Variants in TRAPPC5 observed in about 807,000 individuals in gnomAD.
The protein encoded by TRAPPC5 is trafficking protein particle complex 5.
Under a neutral mutation model 9.8 loss-of-function variants are expected in TRAPPC5, and 5 were observed. The observed-to-expected ratio is 0.51, with a 90% confidence interval of 0.27 to 1.07. The LOEUF is 1.07. TRAPPC5 is among the 50% of genes least tolerant of loss of function. TRAPPC5 has a pLI of 0.12. For synonymous variants in TRAPPC5, 146 were observed against 140.7 expected (o/e 1.04, Z -0.26); for missense variants, 243 against 291.5 (o/e 0.83, Z 1.21).
Position 7,682,226 on chromosome 19 carries a change from C to T in TRAPPC5, c.-12-16C>T. On this transcript the variant is annotated splice_polypyrimidine_tract_variant and intron_variant, in intron 1 of 1. Transcript: ENST00000596148. This position sits in a 1 kb window ranked among gnomAD's most constrained non-coding sequence, Gnocchi z 8.6. Reference sequence around the variant, plus strand: ...CCCATTGCCCCTGACACCTGCACTTCCTGGTCTCCCCGCAGGGTGGCGGCG... The same window carrying T: ...CCCATTGCCCCTGACACCTGCACTTTCTGGTCTCCCCGCAGGGTGGCGGCG... 2 of 1,385,084 alleles carry T rather than the reference C, an allele frequency of 1.4e-6. No individual in the cohort carries two copies. Among genetic ancestry groups the T allele is most frequent in the Non-Finnish European group, 1.9e-6 (2 of 1,077,590 alleles). 85.8% of individuals were successfully genotyped at this position (1,385,084 alleles called of 1,614,324 possible). A position where few individuals can be genotyped will look rare whatever the true frequency, so the allele number is the denominator to read the frequency against.
Position 7,686,655 on chromosome 19 carries a change from A to G in TRAPPC5, c.*3835A>G, listed in dbSNP as rs34882599. 10,431 of 152,096 alleles carry G rather than the reference A, an allele frequency of 0.069. 392 individuals are homozygous for G. The highest frequency in any genetic ancestry group is 0.082 in the Non-Finnish European group (5,599 of 68,078). The allele number at this position is 152,096 out of a possible 1,614,324, so 9.4% of individuals were successfully genotyped here. ...CTCCTGAATAGTTGGGACTATAGGC[A>G]TCCGCCACCACACCCAGCTAATTTT... On this transcript the variant is annotated 3_prime_UTR_variant, in exon 2 of 2. Transcript: ENST00000596148.
Position 7,685,393 on chromosome 19 carries a change from G to A in TRAPPC5, c.*2573G>A, listed in dbSNP as rs2032705494. ...AGGAAAGTTCTTCCAGATTTTTTGGGGGAACCATGATCCAATCTTCCCTGC... is the reference window on the plus strand; with the variant it reads ...AGGAAAGTTCTTCCAGATTTTTTGGAGGAACCATGATCCAATCTTCCCTGC... On this transcript the variant is annotated 3_prime_UTR_variant, in exon 2 of 2. Transcript: ENST00000596148. The A allele has an allele frequency of 6.6e-6, 1 of 152,112 alleles. No homozygotes were observed. 9.4% of individuals were successfully genotyped at this position (152,112 alleles called of 1,614,324 possible).
Position 7,682,194 on chromosome 19 carries a change from T to C in TRAPPC5, c.-12-48T>C, listed in dbSNP as rs376175529. The C allele has an allele frequency of 5.2e-6, 7 of 1,352,242 alleles. No individual in the cohort carries two copies. The highest frequency in any genetic ancestry group is 3.0e-5 in the East Asian group (1 of 33,482). 83.8% of individuals were successfully genotyped at this position (1,352,242 alleles called of 1,614,324 possible). ...TCTCCCTCCTTTCCTCCCGGCCTGCTCCCCTTCCCATTGCCCCTGACACCT... is the reference window on the plus strand; with the variant it reads ...TCTCCCTCCTTTCCTCCCGGCCTGCCCCCCTTCCCATTGCCCCTGACACCT... On this transcript the variant is annotated intron_variant, in intron 1 of 1. Transcript: ENST00000596148. The surrounding 1 kb of genome is among the most constrained non-coding windows in gnomAD (Gnocchi z 8.6).
chr19:7,681,620 C>T lies in TRAPPC5; in HGVS notation c.-12-622C>T, dbSNP rs1230845969. Among the ~76,000 whole-genome samples, 1 of 151,960 alleles carries T rather than the reference C, an allele frequency of 6.6e-6. No homozygotes were observed. The highest frequency in any genetic ancestry group is 1.5e-5 in the Non-Finnish European group (1 of 67,980). On this transcript the variant is annotated intron_variant, in intron 1 of 1. Coordinates refer to ENST00000596148, the MANE Select transcript of TRAPPC5 (RefSeq NM_001042462.2). The surrounding 1 kb of genome is among the most constrained non-coding windows in gnomAD (Gnocchi z 8.7). Reference sequence around the variant, plus strand: ...GTTACCCGCCCCTCCTGCCTGGCCCCACGGATCCCCCCTGTTAAAGCCCCC... The same window carrying T: ...GTTACCCGCCCCTCCTGCCTGGCCCTACGGATCCCCCCTGTTAAAGCCCCC...
chr19:7,681,222 A>G lies in TRAPPC5; in HGVS notation c.-13+344A>G. On this transcript the variant is annotated intron_variant, in intron 1 of 1. Coordinates refer to ENST00000596148, the MANE Select transcript of TRAPPC5 (RefSeq NM_001042462.2). This position sits in a 1 kb window ranked among gnomAD's most constrained non-coding sequence, Gnocchi z 8.7. ...GGGGGCGGCCCGGAGCCCCTGGGAC[A>G]CCCCTCCCCGCTGGTTCTCCCACCT... is the stretch of plus-strand genomic sequence containing the variant. Among the ~76,000 whole-genome samples the G allele has an allele frequency of 6.6e-6, 1 of 151,238 alleles. No homozygotes were observed. Among genetic ancestry groups the G allele is most frequent in the Middle Eastern group, 3.4e-3 (1 of 290 alleles).
In TRAPPC5 at chr19:7,681,905, G is replaced by C. The variant is rs1030291368; in HGVS notation, c.-12-337G>C. On this transcript the variant is annotated intron_variant, in intron 1 of 1. Coordinates refer to ENST00000596148, the MANE Select transcript of TRAPPC5 (RefSeq NM_001042462.2). The surrounding 1 kb of genome is among the most constrained non-coding windows in gnomAD (Gnocchi z 8.7). The stretch of plus-strand genomic sequence containing the variant: ...TAGGTGGCGGAGCGGGCAGGAAGGC[G>C]CTTTCGCAATTGAACCGTCTGCATG... Among the ~76,000 whole-genome samples the C allele has an allele frequency of 6.6e-6, 1 of 152,108 alleles. No individual in the cohort carries two copies. Among genetic ancestry groups the C allele is most frequent in the Non-Finnish European group, 1.5e-5 (1 of 68,000 alleles).
rs2032711197 is a variant in TRAPPC5, at chr19:7,685,914, C to G, written c.*3094C>G. ...CTGCACAGACACAGAAACCACAGTCCTGGATGGGGGACGGAGGGAGGGGAA... is the reference window on the plus strand; with the variant it reads ...CTGCACAGACACAGAAACCACAGTCGTGGATGGGGGACGGAGGGAGGGGAA... On this transcript the variant is annotated 3_prime_UTR_variant, in exon 2 of 2. Transcript: ENST00000596148. 1.3e-5 allele frequency: 2 copies of G among 152,358 alleles called. No homozygotes were observed. Among genetic ancestry groups the G allele is most frequent in the Admixed American group, 1.3e-4 (2 of 15,250 alleles). The allele number at this position is 152,358 out of a possible 1,614,324, so 9.4% of individuals were successfully genotyped here.
chr19:7,683,764 C>A lies in TRAPPC5; in HGVS notation c.*944C>A, dbSNP rs912325657. 1.1e-4 allele frequency: 17 copies of A among 152,208 alleles called. No individual in the cohort carries two copies. Among genetic ancestry groups the A allele is most frequent in the African/African-American group, 3.1e-4 (13 of 41,418 alleles). 9.4% of individuals were successfully genotyped at this position (152,208 alleles called of 1,614,324 possible). On this transcript the variant is annotated 3_prime_UTR_variant, in exon 2 of 2. Transcript: ENST00000596148. ...CCGGGTTCATGTCATTCTCCTGCCC[C>A]AGCCTCCCGAGTAGCTGGAACTACA... is the stretch of plus-strand genomic sequence containing the variant.
At position 7,681,366 on chromosome 19, in the gene TRAPPC5, C is replaced by T. The variant is rs1447411737; in HGVS notation, c.-13+488C>T. Among the ~76,000 whole-genome samples the T allele has an allele frequency of 6.6e-6, 1 of 152,164 alleles. No individual in the cohort carries two copies. Among genetic ancestry groups the T allele is most frequent in the Non-Finnish European group, 1.5e-5 (1 of 68,008 alleles). ...GGCGCCCGCTCCCCACCCCATTTCT[C>T]TTCAGGAGCCCCCTACCCCATCTCC... is the stretch of plus-strand genomic sequence containing the variant. On this transcript the variant is annotated intron_variant, in intron 1 of 1. Transcript: ENST00000596148. This position sits in a 1 kb window ranked among gnomAD's most constrained non-coding sequence, Gnocchi z 8.7.
Position 7,681,612 on chromosome 19 carries a change from C to T in TRAPPC5, c.-12-630C>T, listed in dbSNP as rs2032637318. ...GGTTGGGGGTTACCCGCCCCTCCTG[C>T]CTGGCCCCACGGATCCCCCCTGTTA... On this transcript the variant is annotated intron_variant, in intron 1 of 1. Transcript: ENST00000596148. The surrounding 1 kb of genome is among the most constrained non-coding windows in gnomAD (Gnocchi z 8.7). Among the ~76,000 whole-genome samples the T allele has an allele frequency of 6.6e-6, 1 of 151,996 alleles. No homozygotes were observed. The highest frequency in any genetic ancestry group is 1.5e-5 in the Non-Finnish European group (1 of 67,992).
Position 7,682,166 on chromosome 19 carries a change from G to C in TRAPPC5, c.-12-76G>C. The C allele has an allele frequency of 8.0e-7, 1 of 1,248,710 alleles. No homozygotes were observed. Among genetic ancestry groups the C allele is most frequent in the South Asian group, 1.8e-5 (1 of 55,342 alleles). The allele number at this position is 1,248,710 out of a possible 1,614,324, so 77.4% of individuals were successfully genotyped here. A position where few individuals can be genotyped will look rare whatever the true frequency, so the allele number is the denominator to read the frequency against. ...TCGAGGGTGTCCCAGGGCCCCTCGC[G>C]GTTCTCCCTCCTTTCCTCCCGGCCT... On this transcript the variant is annotated intron_variant, in intron 1 of 1. Transcript: ENST00000596148. The surrounding 1 kb of genome is among the most constrained non-coding windows in gnomAD (Gnocchi z 8.6).
At position 7,683,052 on chromosome 19, in the gene TRAPPC5, G is replaced by T; in HGVS notation, c.*232G>T. ...AATAAACCCGGCAAAAGGAGTTGGTGGGAAATGCTGGCAGGTTCTGGAATC... is the reference window on the plus strand; with the variant it reads ...AATAAACCCGGCAAAAGGAGTTGGTTGGAAATGCTGGCAGGTTCTGGAATC... On this transcript the variant is annotated 3_prime_UTR_variant, in exon 2 of 2. Transcript: ENST00000596148. 1.8e-6 allele frequency: 1 copy of T among 558,458 alleles called. No homozygotes were observed. Among genetic ancestry groups the T allele is most frequent in the East Asian group, 3.0e-5 (1 of 33,352 alleles). The allele number at this position is 558,458 out of a possible 1,614,324, so 34.6% of individuals were successfully genotyped here.
chr19:7,682,336 C>A lies in TRAPPC5; in HGVS notation c.83C>A (p.Ala28Asp). Residue 28 changes from alanine to aspartate, a missense_variant, in exon 2 of 2, where the codon GCC (alanine) becomes GAC (aspartate). Physicochemically the swap from Ala to Asp is moderately radical, Grantham distance 126 (BLOSUM62 -2). Coordinates refer to ENST00000596148, the MANE Select transcript of TRAPPC5 (RefSeq NM_001042462.2). This position sits in a 1 kb window ranked among gnomAD's most constrained non-coding sequence, Gnocchi z 8.6. ...CCGCGCACCGAGGTGAGCCTGAGCG[C>A]CTTCGCACTGCTGTTCTCCGAGCTG... ...ARPRTEVSLS[A>D]FALLFSELVQ... 1 of 1,552,752 alleles carries A rather than the reference C, an allele frequency of 6.4e-7. No homozygotes were observed. The highest frequency in any genetic ancestry group is 2.4e-5 in the East Asian group (1 of 41,312).
In TRAPPC5 at chr19:7,682,541, G is replaced by A. The variant is rs747241989; in HGVS notation, c.288G>A (p.Ala96=). 8 of 1,612,892 alleles carry A rather than the reference G, an allele frequency of 5.0e-6. No homozygotes were observed. In the South Asian group the frequency reaches 8.8e-5, roughly 18 times the overall value. Residue 96 remains alanine, a synonymous_variant, in exon 2 of 2, where the codon GCG becomes GCA. Transcript: ENST00000596148. This position sits in a 1 kb window ranked among gnomAD's most constrained non-coding sequence, Gnocchi z 8.6. The part of the protein sequence containing the change: ...LLFVKGAVWK[A]LFGKEADKLE... ...TCGTCAAGGGCGCCGTGTGGAAGGC[G>A]CTCTTCGGCAAGGAGGCGGACAAGC...
At position 7,682,343 on chromosome 19, in the gene TRAPPC5, A is replaced by C. The variant is rs1256138567; in HGVS notation, c.90A>C (p.Ala30=). 1.9e-6 allele frequency: 3 copies of C among 1,557,818 alleles called. No homozygotes were observed. The South Asian group carries it at 3.5e-5, about 18-fold the overall frequency. ...PRTEVSLSAF[A]LLFSELVQHC... ...CCGAGGTGAGCCTGAGCGCCTTCGC[A>C]CTGCTGTTCTCCGAGCTGGTACAGC... The change falls in exon 2 of 2, where the codon GCA becomes GCC. Residue 30 remains alanine (A), a synonymous_variant. Coordinates refer to ENST00000596148, the MANE Select transcript of TRAPPC5 (RefSeq NM_001042462.2). The surrounding 1 kb of genome is among the most constrained non-coding windows in gnomAD (Gnocchi z 8.6).
Position 7,686,941 on chromosome 19 carries a change from T to C in TRAPPC5, c.*4121T>C, listed in dbSNP as rs2032726124. 6.6e-6 allele frequency: 1 copy of C among 151,790 alleles called. No individual in the cohort carries two copies. The highest frequency in any genetic ancestry group is 2.4e-5 in the African/African-American group (1 of 41,242). The allele number at this position is 151,790 out of a possible 1,614,324, so 9.4% of individuals were successfully genotyped here. A position where few individuals can be genotyped will look rare whatever the true frequency, so the allele number is the denominator to read the frequency against. ...ACCAAGTTGCCCATCACTACACCTC[T>C]AGTTTTTGTATTTTTTGTAGAGATG... On this transcript the variant is annotated 3_prime_UTR_variant, in exon 2 of 2. Coordinates refer to ENST00000596148, the MANE Select transcript of TRAPPC5 (RefSeq NM_001042462.2).
rs117867584 is a variant in TRAPPC5, at chr19:7,680,898, C to A, written c.-13+20C>A. 0.028 allele frequency: 4,306 copies of A among 152,396 alleles called. 90 individuals are homozygous for A. The highest frequency in any genetic ancestry group is 0.041 in the Non-Finnish European group (2,799 of 68,070). 9.4% of individuals were successfully genotyped at this position (152,396 alleles called of 1,614,324 possible). A position where few individuals can be genotyped will look rare whatever the true frequency, so the allele number is the denominator to read the frequency against. The stretch of plus-strand genomic sequence containing the variant: ...TTCCTGGTGAGACCCTACCCACCCC[C>A]CTGCCCGCGCCGGGCCTCGTCCGCT... On this transcript the variant is annotated intron_variant, in intron 1 of 1. Coordinates refer to ENST00000596148, the MANE Select transcript of TRAPPC5 (RefSeq NM_001042462.2).
Position 7,682,451 on chromosome 19 carries a change from G to C in TRAPPC5, c.198G>C (p.Leu66=), listed in dbSNP as rs1425458967. Residue 66 remains leucine (L), a synonymous_variant, in exon 2 of 2, where the codon CTG becomes CTC. Coordinates refer to ENST00000596148, the MANE Select transcript of TRAPPC5 (RefSeq NM_001042462.2). This position sits in a 1 kb window ranked among gnomAD's most constrained non-coding sequence, Gnocchi z 8.6. Reference sequence around the variant, plus strand: ...GCCGCCAGGTGGGCGCGCGCGTGCTGGATGCGCTGGTGGCGCGCGAAAAGG... The same window carrying C: ...GCCGCCAGGTGGGCGCGCGCGTGCTCGATGCGCTGGTGGCGCGCGAAAAGG... ...ALGRQVGARV[L]DALVAREKGA... The C allele has an allele frequency of 1.2e-6, 2 of 1,608,392 alleles. No individual in the cohort carries two copies. Among genetic ancestry groups the C allele is most frequent in the Non-Finnish European group, 1.7e-6 (2 of 1,177,742 alleles).
chr19:7,684,851 A>T lies in TRAPPC5; in HGVS notation c.*2031A>T, dbSNP rs1405390542. On this transcript the variant is annotated 3_prime_UTR_variant, in exon 2 of 2. Coordinates refer to ENST00000596148, the MANE Select transcript of TRAPPC5 (RefSeq NM_001042462.2). ...ACATTTCCCTTGTTAAAAAAATTTT[A>T]AAATAAGTGGGGTGCAGTGGTGCAC... 3 of 152,046 alleles carry T rather than the reference A, an allele frequency of 2.0e-5. No homozygotes were observed. Among genetic ancestry groups the T allele is most frequent in the Non-Finnish European group, 4.4e-5 (3 of 68,014 alleles). 9.4% of individuals were successfully genotyped at this position (152,046 alleles called of 1,614,324 possible).
Sources: gnomAD v4.1 joint callset for allele counts (sites outside exome capture counted in the v4.1 genomes callset) on GRCh38, gnomAD v4.1.1 for gene constraint, Gnocchi (gnomAD v3.1) non-coding constraint, MANE v1.5 for transcripts, NCBI Gene and HGNC (gene_info 2026-07-23, HGNC 2026-07-21) for gene names.